The following TRPA1 variants were observed in gnomAD, a reference collection of about 807,000 sequenced individuals.
TRPA1 encodes the protein ankyrin-like with transmembrane domains 1.
Under a neutral mutation model 131.3 loss-of-function variants are expected in TRPA1, and 129 were observed. The ratio of observed to expected loss-of-function variants is 0.98; its 90% CI spans 0.85 to 1.14. The LOEUF (loss-of-function observed/expected upper bound fraction) is 1.14. Among genes scored for constraint, TRPA1 ranks in the 50% most tolerant of loss-of-function variants. The pLI is 0.00. For missense variants in TRPA1, 1,304 were observed against 1,354.2 expected, an observed-to-expected ratio of 0.96 and a Z score of 0.58; for synonymous variants, 441 against 451.7, an observed-to-expected ratio of 0.98 and a Z score of 0.30.
intron 12 of TRPA1, 51 bp from the exon 13 acceptor site, chr8:72,053,918 C>T (rs548914818): frequency 1.7e-5 from 24 of 1,388,784 alleles, no homozygotes; most frequent in African/African-American, 9.9e-5. Flanking sequence ...AGATGAAATG[C>T]GGGATGGGAT....
chr8:72,056,056 A>G, intron 10 of TRPA1: 1 of 618,204 alleles, frequency 1.6e-6, no homozygotes, highest in Non-Finnish European at 2.9e-6. Flanking sequence ...AGTGTACATT[A>G]CCATATTAGT....
intron 12 of TRPA1, chr8:72,054,445 A>G (rs561731556): frequency 6.5e-6 from 1 of 153,568 alleles, no homozygotes; most frequent in East Asian, 1.9e-4. Context: ...CCTTTTCCAC[A>G]GAAATTCAAG....
upstream of TRPA1, among the ~76,000 whole-genome samples, chr8:72,077,293 G>C (rs73687870): frequency 4.1e-4 from 9 of 21,888 alleles, no homozygotes; most frequent in East Asian, 0.027. Context: ...ACAGGGGTGG[G>C]GGGGGGGGCA....
the TRPA1 span, among the ~76,000 whole-genome samples, chr8:72,081,626 T>C: frequency 6.6e-6 from 1 of 151,886 alleles, no homozygotes; most frequent in Admixed American, 6.5e-5. Context: ...AAATTGTCTA[T>C]TTCTTCTCAC....
intron 24 of TRPA1, among the ~76,000 whole-genome samples, chr8:72,029,382 G>C (rs544176789): frequency 1.3e-5 from 2 of 152,178 alleles, no homozygotes; most frequent in Admixed American, 6.5e-5. Flanking sequence ...GATTGTTCTC[G>C]GACATTTTTT....
the TRPA1 span, among the ~76,000 whole-genome samples, chr8:72,082,264 C>G: frequency 6.6e-6 from 1 of 151,940 alleles, no homozygotes; most frequent in Non-Finnish European, 1.5e-5. Context: ...TTTCCTCTCC[C>G]ATTTTATGTT....
Position 72,021,893 on chromosome 8 carries a change from A to G in TRPA1, c.*1013T>C, listed in dbSNP as rs894798761. On this transcript the variant is annotated 3_prime_UTR_variant, in exon 27 of 27. Transcript: ENST00000262209. The stretch of plus-strand genomic sequence containing the variant: ...CAAAAACAGAAATAGAAGCTATAGC[A>G]TAATAACATCTGTGTAAATAATAAC... 3.3e-5 allele frequency: 5 copies of G among 152,234 alleles called. No individual in the cohort carries two copies. Among genetic ancestry groups the G allele is most frequent in the Admixed American group, 3.3e-4 (5 of 15,292 alleles). 9.4% of individuals were successfully genotyped at this position (152,234 alleles called of 1,614,324 possible).
intron 9 of TRPA1, among the ~76,000 whole-genome samples, chr8:72,057,238 T>C (rs1805691809): frequency 1.3e-5 from 2 of 152,146 alleles, no homozygotes; most frequent in South Asian, 4.1e-4. Flanking sequence ...GTAGAAAATA[T>C]GTGATGCATT....
chr8:72,075,181 A>AC (rs1806144925), intron 1 of TRPA1, 118 bp downstream of exon 1: 4 of 792,796 alleles, frequency 5.0e-6, no homozygotes, highest in Admixed American at 1.8e-5. Context: ...TTGTGCACAC[A>AC]CCCCAAAGCT....
At chr8:72,078,514 T>A (rs545742172), upstream of TRPA1, among the ~76,000 whole-genome samples, 3 of 152,280 alleles carry the variant, frequency 2.0e-5, no homozygotes, top group South Asian at 6.2e-4. Flanking sequence ...CACTATGTAA[T>A]ATTTAGTATC....
the TRPA1 span, among the ~76,000 whole-genome samples, chr8:72,088,583 G>C: frequency 6.6e-6 from 1 of 152,044 alleles, no homozygotes; most frequent in South Asian, 2.1e-4. Flanking sequence ...TTGGGTCAGG[G>C]AGGAAGGAAG....
rs1491529324 is a variant in TRPA1, at chr8:72,052,994, T to TGA, written c.1645-231_1645-230dup. Reference sequence around the variant, plus strand: ...GTGTGTGTGTGTGTGTGTGTGTGTGTGAGAGATAGAGAAAGAGAGAGAGAG... The same window carrying TGA: ...GTGTGTGTGTGTGTGTGTGTGTGTGTGAGAGAGATAGAGAAAGAGAGAGAGAG... On this transcript the variant is annotated intron_variant, in intron 13 of 26. Transcript: ENST00000262209. The TGA allele has an allele frequency of 1.6e-4, 53 of 331,426 alleles. 1 individual carries two copies. The East Asian group carries it at 2.1e-3, about 13-fold the overall frequency. The allele number at this position is 331,426 out of a possible 1,614,324, so 20.5% of individuals were successfully genotyped here.
rs970054444 is a variant in TRPA1 at position 72,064,343 on chromosome 8, A to G, written c.553-772T>C. Among the ~76,000 whole-genome samples, 7 of 151,632 alleles carry G rather than the reference A, an allele frequency of 4.6e-5. No individual in the cohort carries two copies. In the South Asian group the frequency reaches 1.5e-3, roughly 32 times the overall value. On this transcript the variant is annotated intron_variant, in intron 4 of 26. Coordinates refer to ENST00000262209, the MANE Select transcript of TRPA1 (RefSeq NM_007332.3). Reference sequence around the variant, plus strand: ...ATATATTAAAGAATATTGTTAAGTAAAAGCTTTTTTGAACAATATTATCAT... The same window carrying G: ...ATATATTAAAGAATATTGTTAAGTAGAAGCTTTTTTGAACAATATTATCAT...
At chr8:72,053,971 C>G in intron 12 of TRPA1, 104 bp from the exon 13 acceptor site, 1 of 766,358 alleles carries the variant, frequency 1.3e-6, no homozygotes, top group Non-Finnish European at 2.3e-6. Flanking sequence ...CAACAAAAAG[C>G]ATTATTGAGA....
chr8:72,048,359 G>A (rs760699660), intron 15 of TRPA1, among the ~76,000 whole-genome samples: 5 of 152,062 alleles, frequency 3.3e-5, no homozygotes, highest in Non-Finnish European at 5.9e-5. Flanking sequence ...TAGAACTTGA[G>A]GGTAGAGGGT....
intron 15 of TRPA1, among the ~76,000 whole-genome samples, chr8:72,048,647 C>A (rs1282021934): frequency 1.3e-5 from 2 of 152,060 alleles, no homozygotes; most frequent in African/African-American, 4.8e-5. Flanking sequence ...TCAAGAGCAA[C>A]TTTTCAGAAA....
At chr8:72,023,376 G>T in intron 26 of TRPA1, 1 of 537,728 alleles carries the variant, frequency 1.9e-6, no homozygotes, top group Non-Finnish European at 3.3e-6. Context: ...GAAAGGTTAA[G>T]CAGATTGCCC....
intron 13 of TRPA1, chr8:72,053,479 G>A (rs1805580061): frequency 1.3e-5 from 6 of 471,424 alleles, no homozygotes; most frequent in South Asian, 1.2e-4. Flanking sequence ...ACCTACCAGG[G>A]AGTAAACGCT....
chr8:72,050,319 C>T (rs1805468828), intron 15 of TRPA1, among the ~76,000 whole-genome samples: 1 of 152,126 alleles, frequency 6.6e-6, no homozygotes, highest in Non-Finnish European at 1.5e-5. Context: ...GCAATTCCTG[C>T]CTTGTGAGAA....
Sources: gnomAD v4.1 joint callset for allele counts (sites outside exome capture counted in the v4.1 genomes callset) on GRCh38, gnomAD v4.1.1 for gene constraint, MANE v1.5 for transcripts, NCBI Gene and HGNC (gene_info 2026-07-23, HGNC 2026-07-21) for gene names.